Variants in NFIL3 observed in about 807,000 individuals in gnomAD.
NFIL3 encodes nuclear factor interleukin-3-regulated protein.
NFIL3 carries 5 observed loss-of-function variants against 10.0 expected under a neutral mutation model. The observed-to-expected ratio is 0.50, with a 90% CI of 0.26 to 1.06. The LOEUF (loss-of-function observed/expected upper bound fraction) is 1.06. NFIL3 is among the 50% of genes least tolerant of loss of function. NFIL3 has a pLI of 0.13. For synonymous variants in NFIL3, 202 were observed against 206.5 expected, an observed-to-expected ratio of 0.98 and a Z score of 0.19; for missense variants, 436 against 547.6, an observed-to-expected ratio of 0.80 and a Z score of 2.03.
At chr9:91,443,859 C>T in the NFIL3 span, among the ~76,000 whole-genome samples, 1 of 152,212 alleles carries the variant, frequency 6.6e-6, no homozygotes, top group Non-Finnish European at 1.5e-5. Flanking sequence ...TCAAGACACG[C>T]TGCAGCTGCC....
Position 91,409,958 on chromosome 9 carries a change from G to A in NFIL3, c.777C>T (p.Pro259=), listed in dbSNP as rs1254432996. Reference sequence around the variant, plus strand: ...AGGATCGGTTGACTTGCAGTAGTGGGGGAGAGTGTGAGTACCCAGAGAAAG... The same window carrying A: ...AGGATCGGTTGACTTGCAGTAGTGGAGGAGAGTGTGAGTACCCAGAGAAAG... The part of the protein sequence containing the change: ...GNSFSGYSHS[P]PLLQVNRSSS... The change falls in exon 2 of 2, where the codon CCC becomes CCT. Residue 259 remains proline (P), a synonymous_variant. Transcript: ENST00000297689. 2 of 1,613,712 alleles carry A rather than the reference G, an allele frequency of 1.2e-6. No homozygotes were observed. Among genetic ancestry groups the A allele is most frequent in the South Asian group, 2.2e-5 (2 of 91,066 alleles).
At chr9:91,451,017 C>T in the NFIL3 span, among the ~76,000 whole-genome samples, 1 of 152,168 alleles carries the variant, frequency 6.6e-6, no homozygotes, top group Non-Finnish European at 1.5e-5. Flanking sequence ...CCCAACACTT[C>T]TCACTCTAAA....
At chr9:91,446,490 A>C in the NFIL3 span, among the ~76,000 whole-genome samples, 1 of 152,198 alleles carries the variant, frequency 6.6e-6, no homozygotes, top group Non-Finnish European at 1.5e-5. Context: ...AATTTTACCC[A>C]TTTTAAAAGT....
the NFIL3 span, among the ~76,000 whole-genome samples, chr9:91,452,437 C>G: frequency 8.4e-6 from 1 of 119,016 alleles, no homozygotes; most frequent in African/African-American, 5.6e-5. Flanking sequence ...ATCAATGCAC[C>G]TCTTACAGGT....
chr9:91,415,046 A>G (rs1335868866), intron 1 of NFIL3, among the ~76,000 whole-genome samples: 2 of 152,214 alleles, frequency 1.3e-5, no homozygotes, highest in African/African-American at 2.4e-5. Context: ...TCTCTTATTC[A>G]TTAATTTGTT....
the NFIL3 span, among the ~76,000 whole-genome samples, chr9:91,435,809 G>A: frequency 6.6e-6 from 1 of 152,102 alleles, no homozygotes; most frequent in Non-Finnish European, 1.5e-5. Context: ...TGCATGCCAG[G>A]TACTATCAGA....
the NFIL3 span, among the ~76,000 whole-genome samples, chr9:91,477,379 A>G: frequency 1.0e-3 from 153 of 152,338 alleles, 1 homozygote; most frequent in Middle Eastern, 3.4e-3. Context: ...CTGCTTTTAA[A>G]GGGCTCATGT....
chr9:91,440,057 C>T, the NFIL3 span, among the ~76,000 whole-genome samples: 1 of 152,058 alleles, frequency 6.6e-6, no homozygotes, highest in African/African-American at 2.4e-5. Context: ...TTTCCTGTAG[C>T]CCTATTTTTT....
the NFIL3 span, among the ~76,000 whole-genome samples, chr9:91,455,795 C>G: frequency 6.6e-6 from 1 of 152,170 alleles, no homozygotes; most frequent in Non-Finnish European, 1.5e-5. Context: ...TATTGGAACG[C>G]TATGCACGTG....
At chr9:91,434,596 T>TAATTAA in the NFIL3 span, among the ~76,000 whole-genome samples, 1 of 152,178 alleles carries the variant, frequency 6.6e-6, no homozygotes, top group Non-Finnish European at 1.5e-5. Context: ...AGCTTTTGTT[T>TAATTAA]GATAAAAGAC....
At chr9:91,440,760 T>A in the NFIL3 span, among the ~76,000 whole-genome samples, 1 of 148,424 alleles carries the variant, frequency 6.7e-6, no homozygotes, top group Non-Finnish European at 1.5e-5. Context: ...CTCCTTTTAC[T>A]CATTGATTGC....
At chr9:91,440,072 G>T in the NFIL3 span, among the ~76,000 whole-genome samples, 16 of 152,136 alleles carry the variant, frequency 1.1e-4, no homozygotes, top group African/African-American at 3.9e-4. Context: ...TTTTTTGGAA[G>T]AGTTTAGGAA....
At chr9:91,430,870 T>G in the NFIL3 span, among the ~76,000 whole-genome samples, 1 of 152,202 alleles carries the variant, frequency 6.6e-6, no homozygotes, top group African/African-American at 2.4e-5. Flanking sequence ...AGTCTCAAAC[T>G]CCTGGCCTCA....
chr9:91,443,690 G>A, the NFIL3 span, among the ~76,000 whole-genome samples: 1 of 152,172 alleles, frequency 6.6e-6, no homozygotes, highest in Non-Finnish European at 1.5e-5. Flanking sequence ...GGGCTTCCTA[G>A]GCTGGGTTGG....
chr9:91,461,019 T>A, the NFIL3 span, among the ~76,000 whole-genome samples: 1 of 152,346 alleles, frequency 6.6e-6, no homozygotes, highest in East Asian at 1.9e-4. Context: ...GTCATTTTCA[T>A]TGGGAACATC....
the NFIL3 span, among the ~76,000 whole-genome samples, chr9:91,480,290 T>C: frequency 1.3e-5 from 2 of 152,026 alleles, no homozygotes; most frequent in Non-Finnish European, 2.9e-5. Flanking sequence ...AAGGAGAACA[T>C]GGTCTACCAG....
At chr9:91,443,337 G>C in the NFIL3 span, among the ~76,000 whole-genome samples, 2 of 152,218 alleles carry the variant, frequency 1.3e-5, no homozygotes, top group African/African-American at 4.8e-5. Context: ...AGGCCATCTG[G>C]GATTTGAAGG....
the NFIL3 span, among the ~76,000 whole-genome samples, chr9:91,429,628 G>A: frequency 2.0e-5 from 3 of 152,244 alleles, no homozygotes; most frequent in South Asian, 6.2e-4. Flanking sequence ...AAGAAGTCCG[G>A]AAATTGGGTG....
the NFIL3 span, among the ~76,000 whole-genome samples, chr9:91,442,902 C>T: frequency 6.6e-6 from 1 of 152,086 alleles, no homozygotes; most frequent in South Asian, 2.1e-4. Context: ...ATGTTTCAGC[C>T]CTGTTTGTGT....
Sources: gnomAD v4.1 joint callset for allele counts (sites outside exome capture counted in the v4.1 genomes callset) on GRCh38, gnomAD v4.1.1 for gene constraint, MANE v1.5 for transcripts, NCBI Gene and HGNC (gene_info 2026-07-23, HGNC 2026-07-21) for gene names.